Variants in PARP4 observed in about 807,000 individuals in gnomAD.
PARP4 encodes the protein protein mono-ADP-ribosyltransferase PARP4.
In PARP4, 120 loss-of-function variants were observed where a neutral mutation model predicts 187.7. The ratio of observed to expected loss-of-function variants is 0.64; its 90% CI spans 0.55 to 0.74. The LOEUF (loss-of-function observed/expected upper bound fraction) is 0.74. Among genes scored for constraint, PARP4 ranks in the 30% least tolerant of loss-of-function variants. PARP4 has a pLI of 0.00. For missense variants in PARP4, 1,836 were observed against 2,070.5 expected (o/e 0.89, Z 2.20); for synonymous variants, 654 against 740.9 (o/e 0.88, Z 1.90).
intron 17 of PARP4, among the ~76,000 whole-genome samples, chr13:24,464,095 G>T (rs7139725): frequency 0.51 from 77,335 of 151,928 alleles, 20,002 homozygotes; most frequent in South Asian, 0.65. Flanking sequence ...AGCAAGGGAA[G>T]TGAAGGACCT....
At chr13:24,453,492 G>A (rs1240169192) in intron 23 of PARP4, 95 bp downstream of exon 23, 27 of 702,082 alleles carry the variant, frequency 3.8e-5, no homozygotes, top group Non-Finnish European at 6.6e-5. Flanking sequence ...GAGTAGGGGT[G>A]CTCTGATGGT....
Position 24,488,722 on chromosome 13 carries a change from G to T in PARP4, c.1214+1946C>A, listed in dbSNP as rs182713543. ...TAACCATTAAGTGTACAATTTGGTA[G>T]TATTTAGTACAGAACATTCAAAATG... is the stretch of plus-strand genomic sequence containing the variant. On this transcript the variant is annotated intron_variant, in intron 10 of 33. Transcript: ENST00000381989. Among the ~76,000 whole-genome samples, 9 of 152,284 alleles carry T rather than the reference G, an allele frequency of 5.9e-5. No individual in the cohort carries two copies. In the East Asian group the frequency reaches 1.7e-3, roughly 29 times the overall value.
At chr13:24,429,098 A>G (rs1270744068) in intron 32 of PARP4, among the ~76,000 whole-genome samples, 1 of 151,778 alleles carries the variant, frequency 6.6e-6, no homozygotes, top group African/African-American at 2.4e-5. Flanking sequence ...TGTTCTGTCC[A>G]TTCTGTTGTT....
chr13:24,478,740 G>A (rs6490938), intron 12 of PARP4, among the ~76,000 whole-genome samples: 33,280 of 152,016 alleles, frequency 0.22, 3,893 homozygotes, highest in East Asian at 0.3. Flanking sequence ...GGCCTATTTC[G>A]CATTTCTATG....
chr13:24,473,032 G>C (rs1872799010), intron 15 of PARP4, among the ~76,000 whole-genome samples: 1 of 151,522 alleles, frequency 6.6e-6, no homozygotes, highest in Non-Finnish European at 1.5e-5. Context: ...GTAATGGCAA[G>C]CCATCCTCCC....
At chr13:24,506,426 G>A (rs916188143) in intron 1 of PARP4, among the ~76,000 whole-genome samples, 26 of 152,050 alleles carry the variant, frequency 1.7e-4, no homozygotes, top group Admixed American at 7.2e-4. Flanking sequence ...CTGCTAGCTC[G>A]GGCAGCCTGC....
At chr13:24,461,743 A>G (rs1165644904) in intron 17 of PARP4, among the ~76,000 whole-genome samples, 1 of 152,180 alleles carries the variant, frequency 6.6e-6, no homozygotes, top group African/African-American at 2.4e-5. Context: ...TCCTTTCCCC[A>G]CATGAAGCAA....
intron 25 of PARP4, 125 bp downstream of exon 25, chr13:24,449,593 G>A (rs1300872636): frequency 1.9e-5 from 11 of 588,408 alleles, no homozygotes; most frequent in Middle Eastern, 4.9e-4. Flanking sequence ...TCACACCTGC[G>A]GCAGTGCTTG....
At chr13:24,425,513 GTA>G (rs1306593431) in intron 33 of PARP4, among the ~76,000 whole-genome samples, 2 of 146,382 alleles carry the variant, frequency 1.4e-5, no homozygotes, top group Admixed American at 7.0e-5. Flanking sequence ...ACATGTGTAT[GTA>G]TATGTGTATA....
chr13:24,448,399 C>G (rs181064995), intron 25 of PARP4, among the ~76,000 whole-genome samples: 1 of 151,472 alleles, frequency 6.6e-6, no homozygotes, highest in African/African-American at 2.4e-5. Flanking sequence ...CCGAGCAACA[C>G]TGTGTCTCAA....
rs1172279555 is a variant in PARP4 at position 24,434,636 on chromosome 13, T to G, written c.4505A>C (p.Glu1502Ala). 2 of 1,613,224 alleles carry G rather than the reference T, an allele frequency of 1.2e-6. No homozygotes were observed. Among genetic ancestry groups the G allele is most frequent in the Non-Finnish European group, 1.7e-6 (2 of 1,179,402 alleles). The change falls in exon 31 of 34, where the codon GAA (glutamate) becomes GCA (alanine). Residue 1502 changes from glutamate to alanine, a missense_variant. Coordinates refer to ENST00000381989, the MANE Select transcript of PARP4 (RefSeq NM_006437.4). ...TCCTTCGAGACTGCCTACTGATTCT[T>G]CTAGAAGACAGAGATCTACTGGGGT... ...RTTPVDLCLL[E>A]ESVGSLEGSR...
In PARP4 at chr13:24,461,031, T is replaced by C. The variant is rs548417798; in HGVS notation, c.2134-895A>G. 7.2e-5 allele frequency among the ~76,000 whole-genome samples: 11 copies of C among 152,262 alleles called. No homozygotes were observed. In the East Asian group the frequency reaches 7.7e-4, roughly 11 times the overall value. On this transcript the variant is annotated intron_variant, in intron 17 of 33. Transcript: ENST00000381989. ...TTTAAAGGGATGTTGATAATAGCTA[T>C]ATAAGGTGGCAACCCCATGACTAGC...
chr13:24,428,931 C>G (rs904512479), intron 32 of PARP4, among the ~76,000 whole-genome samples: 1 of 152,150 alleles, frequency 6.6e-6, no homozygotes, highest in Non-Finnish European at 1.5e-5. Flanking sequence ...AACCTTTCAC[C>G]TTCTGAAACC....
At chr13:24,488,371 T>C (rs1232453791) in intron 10 of PARP4, among the ~76,000 whole-genome samples, 1 of 152,232 alleles carries the variant, frequency 6.6e-6, no homozygotes, top group Non-Finnish European at 1.5e-5. Context: ...TGAATGTTTT[T>C]GAGACAGAGT....
rs1428224030 is a variant in PARP4, at chr13:24,442,551, A to T, written c.3543+39T>A. The T allele has an allele frequency of 3.4e-6, 4 of 1,163,010 alleles. No homozygotes were observed. In the African/African-American group the frequency reaches 4.5e-5, roughly 13 times the overall value. 72.0% of individuals were successfully genotyped at this position (1,163,010 alleles called of 1,614,324 possible). On this transcript the variant is annotated intron_variant, in intron 29 of 33. Coordinates refer to ENST00000381989, the MANE Select transcript of PARP4 (RefSeq NM_006437.4). ...GTGACTTTCTTAATGTGGAAATACA[A>T]ATAAAATAATTTAACCTCGAATTAC...
At chr13:24,434,311 T>C in intron 31 of PARP4, 84 bp downstream of exon 31, 2 of 1,310,888 alleles carry the variant, frequency 1.5e-6, no homozygotes, top group South Asian at 1.5e-5. Context: ...TGATAGACGG[T>C]TCCTTGACCA....
At chr13:24,464,479 T>G (rs1368362691) in intron 17 of PARP4, among the ~76,000 whole-genome samples, 1 of 152,042 alleles carries the variant, frequency 6.6e-6, no homozygotes, top group Non-Finnish European at 1.5e-5. Context: ...AATAGAGATC[T>G]CAGAAGTAAC....
intron 9 of PARP4, among the ~76,000 whole-genome samples, chr13:24,491,041 A>C (rs2137530531): frequency 6.6e-6 from 1 of 152,292 alleles, no homozygotes; most frequent in South Asian, 2.1e-4. Context: ...TCCTGAGTTC[A>C]ATAGATCCTC....
intron 1 of PARP4, among the ~76,000 whole-genome samples, chr13:24,504,133 T>C (rs1266148760): frequency 6.6e-6 from 1 of 152,164 alleles, no homozygotes; most frequent in African/African-American, 2.4e-5. Flanking sequence ...TATTTGATAG[T>C]GAAACCATGG....
Sources: gnomAD v4.1 joint callset for allele counts (sites outside exome capture counted in the v4.1 genomes callset) on GRCh38, gnomAD v4.1.1 for gene constraint, MANE v1.5 for transcripts, NCBI Gene and HGNC (gene_info 2026-07-23, HGNC 2026-07-21) for gene names.